The following SYT9 variants were observed in gnomAD, a reference collection of about 807,000 sequenced individuals.
SYT9 encodes synaptotagmin 9.
SYT9 carries 22 observed loss-of-function variants against 48.4 expected under a neutral mutation model. The ratio of observed to expected loss-of-function variants is 0.45; its 90% CI spans 0.32 to 0.65. The LOEUF (loss-of-function observed/expected upper bound fraction) is 0.65, where lower values mean the gene tolerates loss of function less well. SYT9 is among the 30% of genes least tolerant of loss of function. The probability of loss-of-function intolerance (pLI) is 0.03; values close to 1 mark genes in which losing one functional copy is unlikely to be tolerated. For missense variants in SYT9, 577 were observed against 622.0 expected, an observed-to-expected ratio of 0.93 and a Z score of 0.77; for synonymous variants, 265 against 245.0, an observed-to-expected ratio of 1.08 and a Z score of -0.76.
intron 3 of SYT9, among the ~76,000 whole-genome samples, 176 bp from the exon 4 acceptor site, chr11:7,415,866 A>C (rs531592753): frequency 2.0e-5 from 3 of 152,316 alleles, no homozygotes; most frequent in Admixed American, 2.0e-4. Flanking sequence ...AGGTGCTCCC[A>C]AAGTGCAGGG....
intron 1 of SYT9, among the ~76,000 whole-genome samples, chr11:7,282,505 T>A (rs1381718245): frequency 6.6e-6 from 1 of 152,150 alleles, no homozygotes; most frequent in Non-Finnish European, 1.5e-5. Context: ...GACAGTCAGG[T>A]AGACAGATGT....
intron 3 of SYT9, among the ~76,000 whole-genome samples, chr11:7,415,379 A>G (rs2134095789): frequency 6.6e-6 from 1 of 152,260 alleles, no homozygotes; most frequent in East Asian, 1.9e-4. Context: ...GCTGGTCTGC[A>G]CAGATCGTAT....
intron 1 of SYT9, among the ~76,000 whole-genome samples, chr11:7,274,002 G>A (rs942032831): frequency 3.9e-5 from 6 of 152,084 alleles, no homozygotes; most frequent in Admixed American, 1.3e-4. Flanking sequence ...AACCACCATG[G>A]CACATGTATA....
chr11:7,369,794 A>ACACAC (rs1564879645), intron 3 of SYT9, among the ~76,000 whole-genome samples: 15 of 143,984 alleles, frequency 1.0e-4, no homozygotes, highest in African/African-American at 3.9e-4. Flanking sequence ...CACACACACA[A>ACACAC]ACACACACAC....
At chr11:7,372,559 G>A (rs1438139343) in intron 3 of SYT9, among the ~76,000 whole-genome samples, 1 of 152,094 alleles carries the variant, frequency 6.6e-6, no homozygotes, top group Admixed American at 6.6e-5. Context: ...GTAGAGGGGG[G>A]AATCTCTCTA....
chr11:7,406,844 GTTGCTAGCATGT>G lies in SYT9; in HGVS notation c.1045-9196_1045-9185del, dbSNP rs946047263. Among the ~76,000 whole-genome samples, 512 of 151,984 alleles carry G rather than the reference GTTGCTAGCATGT, an allele frequency of 3.4e-3. 6 individuals are homozygous for G. The highest frequency in any genetic ancestry group is 0.011 in the African/African-American group (470 of 41,486). On this transcript the variant is annotated intron_variant, in intron 3 of 6. Coordinates refer to ENST00000318881, the MANE Select transcript of SYT9 (RefSeq NM_175733.4). ...ATAAGAATTCCCTTTTCTCCACATT[GTTGCTAGCATGT>G]TATTTTTTGTCTTTTTAATAATAGC...
chr11:7,291,556 G>A (rs545013263), intron 1 of SYT9, among the ~76,000 whole-genome samples: 1 of 152,038 alleles, frequency 6.6e-6, no homozygotes, highest in South Asian at 2.1e-4. Flanking sequence ...ACTCACCAGG[G>A]GCTCTGCTCC....
At chr11:7,429,343 G>T (rs1393148879) in intron 6 of SYT9, among the ~76,000 whole-genome samples, 1 of 152,132 alleles carries the variant, frequency 6.6e-6, no homozygotes, top group African/African-American at 2.4e-5. Flanking sequence ...TCTCTTTCTT[G>T]TTGGATATAA....
At position 7,467,034 on chromosome 11, in the gene SYT9, TG is replaced by T. The variant is rs1848350646; in HGVS notation, c.*235del. ...GTGCTGCAGGGAAGCATGTCTCTCA[TG>T]CCAAGAACCAAGATCGGACTATGAA... On this transcript the variant is annotated 3_prime_UTR_variant, in exon 7 of 7. Transcript: ENST00000318881. 3.6e-6 allele frequency: 2 copies of T among 548,658 alleles called. No individual in the cohort carries two copies. Among genetic ancestry groups the T allele is most frequent in the East Asian group, 5.9e-5 (2 of 33,938 alleles). 34.0% of individuals were successfully genotyped at this position (548,658 alleles called of 1,614,324 possible).
chr11:7,451,771 T>C (rs143497581), intron 6 of SYT9, among the ~76,000 whole-genome samples: 3 of 152,180 alleles, frequency 2.0e-5, no homozygotes, highest in African/African-American at 7.2e-5. Flanking sequence ...ATCAAAATAA[T>C]AGAGTGCACT....
intron 1 of SYT9, among the ~76,000 whole-genome samples, chr11:7,283,309 G>A (rs1279461657): frequency 6.6e-6 from 1 of 151,970 alleles, no homozygotes; most frequent in Admixed American, 6.5e-5. Context: ...TTTTAAAAAT[G>A]CTGGTAAATT....
chr11:7,421,305 A>G (rs1394045619), intron 6 of SYT9, among the ~76,000 whole-genome samples: 1 of 152,116 alleles, frequency 6.6e-6, no homozygotes, highest in Non-Finnish European at 1.5e-5. Context: ...AGCTCCAACC[A>G]TTGCATATTT....
At chr11:7,414,443 TG>T (rs1159739550) in intron 3 of SYT9, among the ~76,000 whole-genome samples, 1 of 152,228 alleles carries the variant, frequency 6.6e-6, no homozygotes, top group Non-Finnish European at 1.5e-5. Flanking sequence ...AGCAGGAGGC[TG>T]GGTCAATCCT....
chr11:7,372,461 C>T (rs1328515861), intron 3 of SYT9, among the ~76,000 whole-genome samples: 1 of 152,102 alleles, frequency 6.6e-6, no homozygotes, highest in Non-Finnish European at 1.5e-5. Context: ...TACAGTCATG[C>T]ACCACAATCC....
chr11:7,370,906 A>G (rs1254627617), intron 3 of SYT9, among the ~76,000 whole-genome samples: 1 of 152,178 alleles, frequency 6.6e-6, no homozygotes, highest in Non-Finnish European at 1.5e-5. Flanking sequence ...TTTGAATAGA[A>G]TTTTTAGTTG....
At chr11:7,424,592 A>G (rs1477420393) in intron 6 of SYT9, among the ~76,000 whole-genome samples, 3 of 152,184 alleles carry the variant, frequency 2.0e-5, no homozygotes, top group Non-Finnish European at 4.4e-5. Context: ...ATAAGTACTA[A>G]TCTTGGTTTG....
chr11:7,365,825 T>C (rs925571201), intron 3 of SYT9, among the ~76,000 whole-genome samples: 1 of 152,238 alleles, frequency 6.6e-6, no homozygotes, highest in Non-Finnish European at 1.5e-5. Flanking sequence ...TCGGGTCGTA[T>C]TTACTGTTGA....
At chr11:7,282,929 C>T (rs900863981) in intron 1 of SYT9, among the ~76,000 whole-genome samples, 2 of 149,532 alleles carry the variant, frequency 1.3e-5, no homozygotes, top group African/African-American at 4.9e-5. Flanking sequence ...CACACACGCA[C>T]ACACACACAC....
chr11:7,253,481 C>A (rs1281109600), intron 1 of SYT9, among the ~76,000 whole-genome samples: 1 of 152,128 alleles, frequency 6.6e-6, no homozygotes, highest in Admixed American at 6.5e-5. Flanking sequence ...CTGAGCCAGA[C>A]TTAAATAGCA....
Sources: allele counts gnomAD v4.1 joint callset (sites outside exome capture counted in the v4.1 genomes callset), GRCh38; gene constraint gnomAD v4.1.1; transcripts MANE v1.5; gene names NCBI Gene and HGNC (gene_info 2026-07-23, HGNC 2026-07-21).